NETO2: variants seen among roughly 807,000 people sequenced by gnomAD.
The protein encoded by NETO2 is neuropilin and tolloid-like protein 2.
In NETO2, 28 loss-of-function variants were observed where a neutral mutation model predicts 62.5. The ratio of observed to expected loss-of-function variants is 0.45; its 90% CI spans 0.33 to 0.61. NETO2 has a LOEUF of 0.61. NETO2 is among the 20% of genes least tolerant of loss of function. The probability of loss-of-function intolerance (pLI) is 0.02; values close to 1 mark genes in which losing one functional copy is unlikely to be tolerated. For synonymous variants in NETO2, 214 were observed against 219.1 expected (o/e 0.98, Z 0.21); for missense variants, 548 against 643.2 (o/e 0.85, Z 1.60).
chr16:47,091,068 A>G (rs1467836494), intron 7 of NETO2, among the ~76,000 whole-genome samples: 2 of 152,216 alleles, frequency 1.3e-5, no homozygotes, highest in African/African-American at 4.8e-5. Context: ...GCATGAAAAA[A>G]TTTACTAATT....
chr16:47,094,881 T>C (rs1963398612), intron 7 of NETO2, among the ~76,000 whole-genome samples: 1 of 152,254 alleles, frequency 6.6e-6, no homozygotes. Context: ...AATTTTTGTA[T>C]TGTTAGTAGA....
chr16:47,103,354 T>C (rs1017416353), intron 7 of NETO2, among the ~76,000 whole-genome samples: 5 of 152,168 alleles, frequency 3.3e-5, no homozygotes, highest in African/African-American at 1.2e-4. Flanking sequence ...GGTTGATGGA[T>C]GCAGCAAACC....
chr16:47,132,137 T>G, intron 1 of NETO2, 112 bp from the exon 2 acceptor site: 1 of 809,756 alleles, frequency 1.2e-6, no homozygotes, highest in Non-Finnish European at 2.0e-6. Flanking sequence ...CACTATTTAT[T>G]ACTCAAAATT....
rs536752169 is a variant in NETO2, at chr16:47,141,980, T to G, written c.34+1599A>C. On this transcript the variant is annotated intron_variant, in intron 1 of 8. Coordinates refer to ENST00000562435, the MANE Select transcript of NETO2 (RefSeq NM_018092.5). ...GCTCGATTTTATCAAGTTCTGCAGG[T>G]AAAGCGGTGTGACAGATCTACGCGA... Among the ~76,000 whole-genome samples, 350 of 152,276 alleles carry G rather than the reference T, an allele frequency of 2.3e-3. 2 individuals carry two copies. The highest frequency in any genetic ancestry group is 0.017 in the Middle Eastern group (5 of 294).
chr16:47,105,260 A>C (rs1963648779), intron 7 of NETO2, among the ~76,000 whole-genome samples: 2 of 152,168 alleles, frequency 1.3e-5, no homozygotes, highest in South Asian at 4.1e-4. Flanking sequence ...TTTTCAAAAA[A>C]TGATCCTGGG....
chr16:47,141,171 T>G (rs964677170), intron 1 of NETO2, among the ~76,000 whole-genome samples: 4 of 152,218 alleles, frequency 2.6e-5, no homozygotes, highest in Admixed American at 6.5e-5. Flanking sequence ...ACTTTCTACT[T>G]AAAATCTCAC....
At chr16:47,130,731 C>T (rs1465824265) in intron 2 of NETO2, among the ~76,000 whole-genome samples, 1 of 152,090 alleles carries the variant, frequency 6.6e-6, no homozygotes, top group African/African-American at 2.4e-5. Flanking sequence ...CAAACATGAC[C>T]TGGAGCCTGC....
At chr16:47,104,067 A>G (rs952037847) in intron 7 of NETO2, among the ~76,000 whole-genome samples, 1 of 152,178 alleles carries the variant, frequency 6.6e-6, no homozygotes. Flanking sequence ...ATTGGAAAGG[A>G]AGATAAAAGG....
chr16:47,142,143 C>T (rs1196102051), intron 1 of NETO2, among the ~76,000 whole-genome samples: 1 of 151,954 alleles, frequency 6.6e-6, no homozygotes, highest in East Asian at 1.9e-4. Flanking sequence ...CGGTTTATCA[C>T]GAAAGAGTAA....
At chr16:47,110,411 C>T (rs116894136) in intron 6 of NETO2, among the ~76,000 whole-genome samples, 54 of 152,280 alleles carry the variant, frequency 3.5e-4, no homozygotes, top group Non-Finnish European at 6.8e-4. Context: ...TCTTGTTTGG[C>T]GATTTCTCTT....
At chr16:47,129,486 C>T in intron 2 of NETO2, 122 bp from the exon 3 acceptor site, 1 of 998,230 alleles carries the variant, frequency 1.0e-6, no homozygotes, top group Non-Finnish European at 1.5e-6. Flanking sequence ...TTCTAAGAAC[C>T]ACTGTCAAAT....
At position 47,103,132 on chromosome 16, in the gene NETO2, C is replaced by T. The variant is rs544265292; in HGVS notation, c.883+6351G>A. 6.8e-4 allele frequency among the ~76,000 whole-genome samples: 103 copies of T among 152,312 alleles called. 1 individual carries two copies. The highest frequency in any genetic ancestry group is 2.4e-3 in the African/African-American group (98 of 41,570). On this transcript the variant is annotated intron_variant, in intron 7 of 8. Transcript: ENST00000562435. ...GCCATAAAAAAGGATGAGTTCATGT[C>T]CTTTGCACGGACATGGATGAAGCTG...
At chr16:47,123,046 GGTCATTTA>G in intron 4 of NETO2, 134 bp from the exon 5 acceptor site, 1 of 760,236 alleles carries the variant, frequency 1.3e-6, no homozygotes, top group Non-Finnish European at 2.2e-6. Flanking sequence ...ACATATCATT[GGTCATTTA>G]GGAGCTCGCT....
intron 7 of NETO2, among the ~76,000 whole-genome samples, chr16:47,107,456 T>C (rs1963699434): frequency 6.6e-6 from 1 of 152,190 alleles, no homozygotes; most frequent in Non-Finnish European, 1.5e-5. Context: ...TGTTAGGAAA[T>C]TTCTCAAAGG....
In NETO2 at chr16:47,135,756, A is replaced by T. The variant is rs1467782564; in HGVS notation, c.35-3731T>A. 3.4e-5 allele frequency among the ~76,000 whole-genome samples: 5 copies of T among 146,276 alleles called. No homozygotes were observed. In the South Asian group the frequency reaches 6.5e-4, roughly 19 times the overall value. On this transcript the variant is annotated intron_variant, in intron 1 of 8. Transcript: ENST00000562435. ...AGGCCTACTTTCCACTGTAAAAAATAAAAAAAAAAAGGTCAAATTTATTCT... is the reference window on the plus strand; with the variant it reads ...AGGCCTACTTTCCACTGTAAAAAATTAAAAAAAAAAGGTCAAATTTATTCT...
intron 4 of NETO2, among the ~76,000 whole-genome samples, chr16:47,126,116 A>C (rs1964153014): frequency 6.6e-6 from 1 of 152,182 alleles, no homozygotes; most frequent in South Asian, 2.1e-4. Context: ...CACTTAGCAT[A>C]ATGTTTCAAG....
intron 7 of NETO2, among the ~76,000 whole-genome samples, chr16:47,097,128 T>A (rs1024181360): frequency 2.6e-5 from 4 of 151,866 alleles, no homozygotes; most frequent in African/African-American, 9.7e-5. Context: ...CCTGCAGAAG[T>A]TTTTTTTCAT....
At chr16:47,139,216 A>G (rs543070876) in intron 1 of NETO2, among the ~76,000 whole-genome samples, 1 of 152,314 alleles carries the variant, frequency 6.6e-6, no homozygotes, top group Admixed American at 6.5e-5. Flanking sequence ...GCGCGACTCC[A>G]GTGCATCTTC....
chr16:47,094,686 A>C (rs1226740950), intron 7 of NETO2, among the ~76,000 whole-genome samples: 2 of 150,262 alleles, frequency 1.3e-5, no homozygotes, highest in African/African-American at 4.9e-5. Flanking sequence ...TTGGCCTCCC[A>C]AAGTGCTGGG....
Sources: allele counts gnomAD v4.1 joint callset (sites outside exome capture counted in the v4.1 genomes callset), GRCh38; gene constraint gnomAD v4.1.1; transcripts MANE v1.5; gene names NCBI Gene and HGNC (gene_info 2026-07-23, HGNC 2026-07-21).